The following TSPAN14 variants were observed in gnomAD, a reference collection of about 807,000 sequenced individuals.
TSPAN14 encodes tetraspanin 14.
In TSPAN14, 16 loss-of-function variants were observed where a neutral mutation model predicts 36.6. The ratio of observed to expected loss-of-function variants is 0.44; its 90% CI spans 0.30 to 0.66. The LOEUF is 0.66. TSPAN14 is among the 30% of genes least tolerant of loss of function. The pLI, the probability that TSPAN14 is intolerant of heterozygous loss-of-function variation, is 0.12. For missense variants in TSPAN14, 231 were observed against 355.1 expected (o/e 0.65, Z 2.81); for synonymous variants, 139 against 143.8 (o/e 0.97, Z 0.24).
At chr10:80,488,253 G>C (rs1811260673) in intron 1 of TSPAN14, among the ~76,000 whole-genome samples, 1 of 152,204 alleles carries the variant, frequency 6.6e-6, no homozygotes, top group African/African-American at 2.4e-5. Context: ...TGGGGGCAGG[G>C]GACCGTGGAG....
intron 2 of TSPAN14, among the ~76,000 whole-genome samples, chr10:80,499,683 C>G (rs1848388201): frequency 6.6e-6 from 1 of 152,182 alleles, no homozygotes; most frequent in South Asian, 2.1e-4. Flanking sequence ...TGAGCTTTCC[C>G]ATGTGAAAAA....
chr10:80,488,242 T>A (rs574344980), intron 1 of TSPAN14, among the ~76,000 whole-genome samples: 2 of 152,132 alleles, frequency 1.3e-5, no homozygotes, highest in Admixed American at 6.5e-5. Flanking sequence ...AGCCACTGCA[T>A]TGGGGGCAGG....
intron 1 of TSPAN14, chr10:80,485,721 C>T: frequency 1.0e-6 from 1 of 984,344 alleles, no homozygotes; most frequent in Non-Finnish European, 1.2e-6. Flanking sequence ...CCCTCCCTGT[C>T]CCGAGGTTAG....
chr10:80,509,681 G>A lies in TSPAN14; in HGVS notation c.450+210G>A, dbSNP rs888500794. ...CTGGTGGGCCAGCCCTTTCCCATTG[G>A]GATTGGGCAGGCAAGTCCAGCTGTA... On this transcript the variant is annotated intron_variant, in intron 5 of 8. Transcript: ENST00000429989. This position sits in a 1 kb window ranked among gnomAD's most constrained non-coding sequence, Gnocchi z 4.7. The A allele has an allele frequency of 5.2e-6, 3 of 577,578 alleles. No individual in the cohort carries two copies. Among genetic ancestry groups the A allele is most frequent in the Non-Finnish European group, 6.0e-6 (2 of 332,930 alleles). 35.8% of individuals were successfully genotyped at this position (577,578 alleles called of 1,614,324 possible).
exon 9 of TSPAN14, chr10:80,520,644 A>T (rs775304103): frequency 3.8e-6 from 2 of 533,050 alleles, no homozygotes; most frequent in Non-Finnish European, 3.8e-6. Context: ...CCGTCTTCCT[A>T]TCGCTGGCCT....
rs116893354 is a variant in TSPAN14, at chr10:80,473,008, C to T, written c.-17-16209C>T. On this transcript the variant is annotated intron_variant, in intron 1 of 8. Coordinates refer to ENST00000429989, the Ensembl canonical transcript of TSPAN14. ...CAGTAGGCCCATGGTTTTTAGTGTG[C>T]ACCTTGTGAAGCCTTCCTTTCCCCC... 4.6e-3 allele frequency among the ~76,000 whole-genome samples: 707 copies of T among 152,260 alleles called. 2 individuals carry two copies. The highest frequency in any genetic ancestry group is 0.01 in the Middle Eastern group (3 of 294).
At chr10:80,471,584 A>C (rs527621758) in intron 1 of TSPAN14, among the ~76,000 whole-genome samples, 3 of 152,228 alleles carry the variant, frequency 2.0e-5, no homozygotes, top group African/African-American at 7.2e-5. Context: ...CAGGCCTGTC[A>C]TGATGATCAG....
chr10:80,504,945 A>G (rs1164028416), intron 3 of TSPAN14, among the ~76,000 whole-genome samples, 167 bp downstream of exon 3: 1 of 152,234 alleles, frequency 6.6e-6, no homozygotes, highest in Non-Finnish European at 1.5e-5. Flanking sequence ...TACTCTGCCC[A>G]CATGATAGTA....
At chr10:80,522,538 A>G (rs1044430753) in exon 9 of TSPAN14, 1 of 152,170 alleles carries the variant, frequency 6.6e-6, no homozygotes, top group Non-Finnish European at 1.5e-5. Flanking sequence ...AACTACTACA[A>G]TAAATTATCA....
Position 80,472,796 on chromosome 10 carries a change from A to G in TSPAN14, c.-17-16421A>G, listed in dbSNP as rs527705725. 2.0e-5 allele frequency among the ~76,000 whole-genome samples: 3 copies of G among 152,130 alleles called. 1 individual carries two copies. In the South Asian group the frequency reaches 6.2e-4, roughly 32 times the overall value. On this transcript the variant is annotated intron_variant, in intron 1 of 8. Coordinates refer to ENST00000429989, the Ensembl canonical transcript of TSPAN14. ...CAATGAGTTAAAATCCGTTGTTATT[A>G]TTGTTTATTTTGCCGCTCAGATTGT...
At chr10:80,465,009 T>TC in intron 1 of TSPAN14, among the ~76,000 whole-genome samples, 1 of 152,250 alleles carries the variant, frequency 6.6e-6, no homozygotes, top group East Asian at 1.9e-4. Flanking sequence ...CATCATGTGT[T>TC]CTCAGATTCT....
chr10:80,518,208 C>G (rs1187179329), exon 9 of TSPAN14: 1 of 573,470 alleles, frequency 1.7e-6, no homozygotes, highest in Non-Finnish European at 3.1e-6. Context: ...TACCCAGAGA[C>G]AGAGAATGTG....
intron 2 of TSPAN14, among the ~76,000 whole-genome samples, chr10:80,491,599 G>GT (rs1292596971): frequency 2.0e-5 from 3 of 152,198 alleles, no homozygotes; most frequent in Non-Finnish European, 4.4e-5. Flanking sequence ...TCAGGAGAGA[G>GT]TTTTTGACAT....
At chr10:80,473,005 G>A (rs1363200316) in intron 1 of TSPAN14, among the ~76,000 whole-genome samples, 1 of 152,144 alleles carries the variant, frequency 6.6e-6, no homozygotes. Flanking sequence ...GGTTTTTAGT[G>A]TGCACCTTGT....
intron 6 of TSPAN14, 71 bp from the exon 7 acceptor site, chr10:80,513,948 C>CTT: frequency 7.2e-7 from 1 of 1,383,764 alleles, no homozygotes; most frequent in Non-Finnish European, 1.0e-6. Context: ...TTGGTTGTGA[C>CTT]TTTACTAGAG....
rs112114741 is a variant in TSPAN14, at chr10:80,473,412, C to G, written c.-17-15805C>G. On this transcript the variant is annotated intron_variant, in intron 1 of 8. Transcript: ENST00000429989. Reference sequence around the variant, plus strand: ...TTACAGGATGCCAGGCACTGAGACCCTCAGACCCTTTGGAGAGCCTGGTGG... The same window carrying G: ...TTACAGGATGCCAGGCACTGAGACCGTCAGACCCTTTGGAGAGCCTGGTGG... Among the ~76,000 whole-genome samples the G allele has an allele frequency of 4.3e-3, 656 of 152,344 alleles. 6 individuals carry two copies. Among genetic ancestry groups the G allele is most frequent in the African/African-American group, 0.015 (623 of 41,574 alleles).
In TSPAN14 at chr10:80,509,914, C is replaced by T. The variant is rs1380780401; in HGVS notation, c.450+443C>T. On this transcript the variant is annotated intron_variant, in intron 5 of 8. Transcript: ENST00000429989. The surrounding 1 kb of genome is among the most constrained non-coding windows in gnomAD (Gnocchi z 4.7). ...ACCTTTTCCCCTTCCTCCCTGGGACCTTTTCCCCTTCCTGTTTAAGAAGCC... is the reference window on the plus strand; with the variant it reads ...ACCTTTTCCCCTTCCTCCCTGGGACTTTTTCCCCTTCCTGTTTAAGAAGCC... The T allele has an allele frequency of 6.2e-6, 1 of 162,012 alleles. No individual in the cohort carries two copies. The highest frequency in any genetic ancestry group is 2.4e-5 in the African/African-American group (1 of 41,660). 10.0% of individuals were successfully genotyped at this position (162,012 alleles called of 1,614,324 possible).
intron 1 of TSPAN14, among the ~76,000 whole-genome samples, chr10:80,476,450 C>G (rs1322576733): frequency 8.7e-6 from 1 of 115,132 alleles, no homozygotes; most frequent in Non-Finnish European, 1.6e-5. Context: ...GAGTCTTGCT[C>G]TGTCACCCAG....
intron 1 of TSPAN14, among the ~76,000 whole-genome samples, chr10:80,478,308 T>A (rs148310180): frequency 6.6e-6 from 1 of 151,756 alleles, no homozygotes; most frequent in Non-Finnish European, 1.5e-5. Flanking sequence ...TTTCAGAAAA[T>A]AGAGCAAACA....
Sources: allele counts gnomAD v4.1 joint callset (sites outside exome capture counted in the v4.1 genomes callset), GRCh38; gene constraint gnomAD v4.1.1; non-coding constraint Gnocchi (gnomAD v3.1); transcripts MANE v1.5; gene names NCBI Gene and HGNC (gene_info 2026-07-23, HGNC 2026-07-21).